Variants in AOX1 observed in about 807,000 individuals in gnomAD.
AOX1 encodes aldehyde oxidase 1, also known as aldehyde oxidase.
Under a neutral mutation model 169.5 loss-of-function variants are expected in AOX1, and 153 were observed. The observed-to-expected ratio is 0.90, with a 90% confidence interval of 0.79 to 1.03. The LOEUF (loss-of-function observed/expected upper bound fraction) is 1.03. Ranked by LOEUF, AOX1 falls within the 50% of genes least tolerant of loss-of-function variation. The pLI, the probability that AOX1 is intolerant of heterozygous loss-of-function variation, is 0.00. For synonymous variants in AOX1, 562 were observed against 581.9 expected, an observed-to-expected ratio of 0.97 and a Z score of 0.49; for missense variants, 1,656 against 1,663.9, an observed-to-expected ratio of 1.00 and a Z score of 0.08.
intron 18 of AOX1, among the ~76,000 whole-genome samples, chr2:200,623,487 C>T (rs942974550): frequency 5.9e-5 from 9 of 152,256 alleles, no homozygotes; most frequent in Non-Finnish European, 1.0e-4. Flanking sequence ...CTTCCTGGTC[C>T]TCCCTGTCCG....
At chr2:200,590,758 A>C (rs1574902714) in intron 1 of AOX1, among the ~76,000 whole-genome samples, 1 of 152,106 alleles carries the variant, frequency 6.6e-6, no homozygotes, top group South Asian at 2.1e-4. Context: ...GGCTACCCAG[A>C]CCCTGTCTAT....
chr2:200,637,639 G>T (rs1559249284), intron 22 of AOX1, among the ~76,000 whole-genome samples: 1 of 151,882 alleles, frequency 6.6e-6, no homozygotes, highest in Non-Finnish European at 1.5e-5. Context: ...GTGTGTATAT[G>T]TATATTTTCT....
chr2:200,612,319 G>C (rs551693099), intron 13 of AOX1, among the ~76,000 whole-genome samples: 68 of 152,270 alleles, frequency 4.5e-4, no homozygotes, highest in African/African-American at 1.6e-3. Context: ...GGATGTATTA[G>C]TTTGCTAGGG....
intron 28 of AOX1, 130 bp from the exon 29 acceptor site, chr2:200,659,865 A>G: frequency 1.5e-6 from 1 of 671,740 alleles, no homozygotes; most frequent in East Asian, 2.8e-5. Context: ...TCACCTTCAT[A>G]CAGGGTTGGT....
intron 23 of AOX1, among the ~76,000 whole-genome samples, chr2:200,640,411 G>A (rs1202077227): frequency 6.6e-6 from 1 of 152,210 alleles, no homozygotes; most frequent in East Asian, 1.9e-4. Context: ...GCGGGAGGCA[G>A]CTGATGCATT....
chr2:200,623,864 T>A lies in AOX1; in HGVS notation c.2005T>A (p.Phe669Ile). The A allele has an allele frequency of 6.2e-7, 1 of 1,613,886 alleles. No homozygotes were observed. Reference sequence around the variant, plus strand: ...CAAAGGTCTTTCTGTGTCGTAGGTGTTCTGTGTGGGTCAGCTTGTCTGTGC... The same window carrying A: ...CAAAGGTCTTTCTGTGTCGTAGGTGATCTGTGTGGGTCAGCTTGTCTGTGC... Reference protein sequence around the residue: ...AEKFLATDKVFCVGQLVCAVL... With the variant: ...AEKFLATDKVICVGQLVCAVL... The change falls in exon 19 of 35, where the codon TTC becomes ATC. Residue 669 changes from phenylalanine to isoleucine, a missense_variant. Coordinates refer to ENST00000374700, the MANE Select transcript of AOX1 (RefSeq NM_001159.4).
At chr2:200,657,188 A>ATTTTTTT (rs1309414882) in intron 27 of AOX1, among the ~76,000 whole-genome samples, 2 of 68,580 alleles carry the variant, frequency 2.9e-5, no homozygotes, top group Admixed American at 1.8e-4. Flanking sequence ...ATATATATAT[A>ATTTTTTT]TATTTTTTTT....
rs2035702991 is a variant in AOX1 at position 200,657,062 on chromosome 2, G to A, written c.3171+125G>A. On this transcript the variant is annotated intron_variant, in intron 27 of 34. Coordinates refer to ENST00000374700, the MANE Select transcript of AOX1 (RefSeq NM_001159.4). ...TAGGAAGCTGGGTGAGGTGGCTCAT[G>A]CCTGTAATCCCAGCATTTTGGGAGG... The A allele has an allele frequency of 2.4e-5, 13 of 531,940 alleles. No homozygotes were observed. In the East Asian group the frequency reaches 5.1e-4, roughly 21 times the overall value. The allele number at this position is 531,940 out of a possible 1,614,324, so 33.0% of individuals were successfully genotyped here.
At chr2:200,632,237 AT>A (rs892370444) in intron 20 of AOX1, among the ~76,000 whole-genome samples, 1 of 151,692 alleles carries the variant, frequency 6.6e-6, no homozygotes, top group Admixed American at 6.6e-5. Flanking sequence ...AATCTATAGT[AT>A]TTTTTAGTAT....
At chr2:200,612,227 T>C (rs1264751962) in intron 13 of AOX1, among the ~76,000 whole-genome samples, 1 of 152,198 alleles carries the variant, frequency 6.6e-6, no homozygotes, top group African/African-American at 2.4e-5. Flanking sequence ...AATCCTGGTT[T>C]CAAGGCCTGA....
At chr2:200,673,538 T>C (rs1239568544), downstream of AOX1, among the ~76,000 whole-genome samples, 25 of 152,184 alleles carry the variant, frequency 1.6e-4, no homozygotes, top group Admixed American at 1.6e-3. Flanking sequence ...GCCACCTTCA[T>C]TTCTCCCCTG....
chr2:200,657,190 A>ATATATTTTTTTTTTT, intron 27 of AOX1, among the ~76,000 whole-genome samples: 42 of 62,868 alleles, frequency 6.7e-4, no homozygotes, highest in African/African-American at 3.2e-3. Context: ...ATATATATAT[A>ATATATTTTTTTTTTT]TTTTTTTTTT....
At chr2:200,611,586 T>G (rs1353282682) in intron 13 of AOX1, 93 bp downstream of exon 13, 1 of 839,618 alleles carries the variant, frequency 1.2e-6, no homozygotes, top group East Asian at 2.4e-5. Flanking sequence ...AAGGGTGAAG[T>G]GTTTATGTGG....
chr2:200,668,107 A>AT lies in AOX1; in HGVS notation c.3610-506dup, dbSNP rs1171388444. 2.8e-4 allele frequency among the ~76,000 whole-genome samples: 41 copies of AT among 146,070 alleles called. 1 individual carries two copies. The highest frequency in any genetic ancestry group is 9.5e-4 in the African/African-American group (36 of 37,726). ...TTCATGATTTTTATTTATTATTATT[A>AT]TTATTTTTTTTTTTTGAGACTAAGT... On this transcript the variant is annotated intron_variant, in intron 32 of 34. Transcript: ENST00000374700.
intron 24 of AOX1, among the ~76,000 whole-genome samples, chr2:200,641,670 G>A (rs1001804919): frequency 1.3e-5 from 2 of 151,996 alleles, no homozygotes; most frequent in Admixed American, 6.5e-5. Flanking sequence ...TGGGACTGCA[G>A]GTACATGCCA....
chr2:200,662,814 A>T, intron 30 of AOX1, 41 bp from the exon 31 acceptor site: 1 of 1,509,912 alleles, frequency 6.6e-7, no homozygotes, highest in Non-Finnish European at 9.2e-7. Context: ...GTCTGCAATT[A>T]GGGGACGTGA....
intron 21 of AOX1, among the ~76,000 whole-genome samples, chr2:200,636,319 G>A (rs2035232117): frequency 6.6e-6 from 1 of 151,742 alleles, no homozygotes; most frequent in Non-Finnish European, 1.5e-5. Flanking sequence ...AGTAGAGATG[G>A]GGTTTCATCA....
At chr2:200,657,190 A>ATATATATATATATATATATTTTTTT in intron 27 of AOX1, among the ~76,000 whole-genome samples, 1 of 62,878 alleles carries the variant, frequency 1.6e-5, no homozygotes, top group Non-Finnish European at 2.6e-5. Flanking sequence ...ATATATATAT[A>ATATATATATATATATATATTTTTTT]TTTTTTTTTT....
At chr2:200,607,517 TA>T (rs1323490081) in intron 10 of AOX1, among the ~76,000 whole-genome samples, 9 of 152,280 alleles carry the variant, frequency 5.9e-5, no homozygotes, top group Admixed American at 5.2e-4. Context: ...ACACTGTTGG[TA>T]GGGGTGTAAA....
Sources: allele counts gnomAD v4.1 joint callset (sites outside exome capture counted in the v4.1 genomes callset), GRCh38; gene constraint gnomAD v4.1.1; transcripts MANE v1.5; gene names NCBI Gene and HGNC (gene_info 2026-07-23, HGNC 2026-07-21).